The following SLC39A11 variants were observed in gnomAD, a reference collection of about 807,000 sequenced individuals.
SLC39A11 encodes the protein zinc transporter ZIP11.
In SLC39A11, 33 loss-of-function variants were observed where a neutral mutation model predicts 36.1. The ratio of observed to expected loss-of-function variants is 0.91; its 90% CI spans 0.69 to 1.22. The LOEUF (loss-of-function observed/expected upper bound fraction) is 1.22, where lower values mean the gene tolerates loss of function less well. Ranked by LOEUF, SLC39A11 falls within the 50% of genes most tolerant of loss-of-function variation. SLC39A11 has a pLI of 0.00. For synonymous variants in SLC39A11, 166 were observed against 170.3 expected, an observed-to-expected ratio of 0.97 and a Z score of 0.20; for missense variants, 432 against 430.3, an observed-to-expected ratio of 1.00 and a Z score of -0.03.
intron 5 of SLC39A11, among the ~76,000 whole-genome samples, chr17:72,924,564 A>G (rs1164494147): frequency 1.3e-5 from 2 of 152,158 alleles, no homozygotes; most frequent in Non-Finnish European, 2.9e-5. Context: ...GACCTAAAAC[A>G]ACTTTTGGCA....
At chr17:72,940,529 G>A (rs2085039674) in intron 5 of SLC39A11, among the ~76,000 whole-genome samples, 1 of 152,192 alleles carries the variant, frequency 6.6e-6, no homozygotes, top group Non-Finnish European at 1.5e-5. Flanking sequence ...ACCTGCCTCG[G>A]CCTCCCGAAG....
At chr17:73,088,300 AAAAAG>A (rs1303540221) in intron 2 of SLC39A11, among the ~76,000 whole-genome samples, 18 of 149,192 alleles carry the variant, frequency 1.2e-4, no homozygotes, top group African/African-American at 4.6e-4. Flanking sequence ...TCTCAAAAAA[AAAAAG>A]AAAAAAGAAA....
chr17:72,738,205 C>T (rs565360973), intron 6 of SLC39A11, among the ~76,000 whole-genome samples: 6 of 152,186 alleles, frequency 3.9e-5, no homozygotes, highest in African/African-American at 1.2e-4. Flanking sequence ...GGGCTTTCAC[C>T]GTGTTAGCCA....
chr17:72,688,008 C>T (rs1025913613), intron 7 of SLC39A11, among the ~76,000 whole-genome samples: 1 of 152,164 alleles, frequency 6.6e-6, no homozygotes, highest in African/African-American at 2.4e-5. Context: ...TGCATGACTC[C>T]AGTTGAATGA....
At position 72,872,985 on chromosome 17, in the gene SLC39A11, C is replaced by T. The variant is rs536914011; in HGVS notation, c.431-23181G>A. Among the ~76,000 whole-genome samples, 266 of 146,692 alleles carry T rather than the reference C, an allele frequency of 1.8e-3. 2 individuals carry two copies. The highest frequency in any genetic ancestry group is 6.4e-3 in the African/African-American group (254 of 39,520). ...AGGAGAATGGCGTGAACCCGGGAGG[C>T]GGAGCTTGCAGTGAGCCGAGATCGC... On this transcript the variant is annotated intron_variant, in intron 5 of 9. Transcript: ENST00000255559.
At chr17:72,842,076 C>CTGTG (rs1440660547) in intron 6 of SLC39A11, among the ~76,000 whole-genome samples, 1 of 37,252 alleles carries the variant, frequency 2.7e-5, no homozygotes, top group African/African-American at 7.4e-5. Context: ...TCTCAAAAAA[C>CTGTG]TATGTGTGTG....
At chr17:72,949,610 G>T (rs908854964) in intron 4 of SLC39A11, among the ~76,000 whole-genome samples, 4 of 151,778 alleles carry the variant, frequency 2.6e-5, no homozygotes, top group Admixed American at 2.0e-4. Flanking sequence ...TCTTTCACAC[G>T]TCTTTCATTA....
intron 4 of SLC39A11, among the ~76,000 whole-genome samples, chr17:72,990,319 A>T (rs567253891): frequency 6.6e-6 from 1 of 152,372 alleles, no homozygotes; most frequent in African/African-American, 2.4e-5. Context: ...ATAAATGAAT[A>T]AATACAAAAT....
chr17:72,886,067 T>C (rs1236993672), intron 5 of SLC39A11, among the ~76,000 whole-genome samples: 1 of 152,154 alleles, frequency 6.6e-6, no homozygotes, highest in East Asian at 1.9e-4. Flanking sequence ...CAAGAAACCT[T>C]TCTCCCCCAG....
intron 6 of SLC39A11, among the ~76,000 whole-genome samples, chr17:72,841,663 T>C (rs962826053): frequency 1.3e-5 from 2 of 152,148 alleles, no homozygotes; most frequent in Non-Finnish European, 2.9e-5. Flanking sequence ...GTCAATAATA[T>C]AATAATTGTA....
intron 7 of SLC39A11, among the ~76,000 whole-genome samples, chr17:72,660,823 C>T (rs981050283): frequency 1.3e-5 from 2 of 152,166 alleles, no homozygotes; most frequent in Admixed American, 6.5e-5. Context: ...CCAGCATCCT[C>T]GGCTCCTATC....
At chr17:72,958,138 G>C (rs1276383046) in intron 4 of SLC39A11, among the ~76,000 whole-genome samples, 2 of 152,178 alleles carry the variant, frequency 1.3e-5, no homozygotes, top group Non-Finnish European at 2.9e-5. Context: ...TTTAACAAAT[G>C]GTGCTGGGAT....
At chr17:72,778,063 C>G (rs528107779) in intron 6 of SLC39A11, among the ~76,000 whole-genome samples, 32 of 152,198 alleles carry the variant, frequency 2.1e-4, no homozygotes, top group African/African-American at 7.2e-4. Context: ...TGCCACCAAG[C>G]CTGGTTAATT....
chr17:73,032,796 T>C (rs969963366), intron 3 of SLC39A11, among the ~76,000 whole-genome samples: 5 of 152,270 alleles, frequency 3.3e-5, no homozygotes, highest in Non-Finnish European at 7.3e-5. Context: ...AGGGAACTAA[T>C]ATTTATTGAT....
At chr17:73,040,080 T>C (rs1568171904) in intron 3 of SLC39A11, among the ~76,000 whole-genome samples, 1 of 152,198 alleles carries the variant, frequency 6.6e-6, no homozygotes, top group Non-Finnish European at 1.5e-5. Context: ...ATCGATCCCA[T>C]AGCATTCCCC....
chr17:72,808,603 T>A (rs1382648900), intron 6 of SLC39A11, among the ~76,000 whole-genome samples: 1 of 152,230 alleles, frequency 6.6e-6, no homozygotes, highest in Non-Finnish European at 1.5e-5. Context: ...AATCCCTTGC[T>A]GCTCAGGAGT....
intron 5 of SLC39A11, among the ~76,000 whole-genome samples, chr17:72,865,899 AAACTC>A (rs1373880404): frequency 6.6e-6 from 1 of 152,260 alleles, no homozygotes; most frequent in Non-Finnish European, 1.5e-5. Flanking sequence ...TTTCTATTGA[AAACTC>A]AACAGACAAA....
At chr17:72,834,269 T>C (rs552075888) in intron 6 of SLC39A11, among the ~76,000 whole-genome samples, 24 of 152,306 alleles carry the variant, frequency 1.6e-4, no homozygotes, top group African/African-American at 5.5e-4. Flanking sequence ...GTTTAACTCA[T>C]GTAAATTTAG....
intron 5 of SLC39A11, among the ~76,000 whole-genome samples, chr17:72,913,331 G>A (rs78441683): frequency 0.027 from 4,073 of 152,272 alleles, 172 homozygotes; most frequent in African/African-American, 0.091. Context: ...GCTCCCTGGA[G>A]AGACAGGGAC....
Sources: gnomAD v4.1 joint callset for allele counts (sites outside exome capture counted in the v4.1 genomes callset) on GRCh38, gnomAD v4.1.1 for gene constraint, MANE v1.5 for transcripts, NCBI Gene and HGNC (gene_info 2026-07-23, HGNC 2026-07-21) for gene names.